Variants in ABCC1 observed in about 807,000 individuals in gnomAD.
ABCC1 encodes ATP binding cassette subfamily C member 1 (ABCC1 blood group).
A neutral mutation model predicts 172.9 loss-of-function variants in ABCC1; 83 were observed. The ratio of observed to expected loss-of-function variants is 0.48; its 90% CI spans 0.40 to 0.58. The LOEUF (loss-of-function observed/expected upper bound fraction) is 0.58. Ranked by LOEUF, ABCC1 falls within the 20% of genes least tolerant of loss-of-function variation. ABCC1 has a pLI of 0.00. For missense variants in ABCC1, 1,817 were observed against 2,002.7 expected, an observed-to-expected ratio of 0.91 and a Z score of 1.77; for synonymous variants, 937 against 825.2, an observed-to-expected ratio of 1.14 and a Z score of -2.32.
chr16:16,087,218 C>T (rs1314193574), intron 18 of ABCC1, among the ~76,000 whole-genome samples: 7 of 152,178 alleles, frequency 4.6e-5, no homozygotes, highest in Non-Finnish European at 8.8e-5. Flanking sequence ...CATTGCCTCT[C>T]CATGGCCAAG....
intron 5 of ABCC1, among the ~76,000 whole-genome samples, chr16:16,018,623 A>T (rs919770200): frequency 1.3e-5 from 2 of 151,924 alleles, no homozygotes; most frequent in Admixed American, 6.6e-5. Context: ...TTGCCCAAAG[A>T]GGAGCTGGGT....
chr16:16,055,888 G>A (rs758131078), intron 11 of ABCC1, among the ~76,000 whole-genome samples: 15 of 150,968 alleles, frequency 9.9e-5, no homozygotes, highest in Non-Finnish European at 2.1e-4. Context: ...GCTCACACCT[G>A]TAATCCCAGC....
At chr16:16,030,547 C>G (rs192171784) in intron 5 of ABCC1, among the ~76,000 whole-genome samples, 119 of 152,014 alleles carry the variant, frequency 7.8e-4, no homozygotes, top group Middle Eastern at 3.4e-3. Context: ...AAAACAAAAA[C>G]CTTGCTTGGT....
At chr16:16,046,750 T>C (rs556160391) in intron 9 of ABCC1, among the ~76,000 whole-genome samples, 2 of 149,898 alleles carry the variant, frequency 1.3e-5, no homozygotes, top group South Asian at 4.2e-4. Flanking sequence ...TAAATTACCT[T>C]CTTGATCCCT....
At chr16:16,041,139 C>T (rs1372340033) in intron 7 of ABCC1, among the ~76,000 whole-genome samples, 2 of 150,194 alleles carry the variant, frequency 1.3e-5, no homozygotes, top group Non-Finnish European at 3.0e-5. Flanking sequence ...GCCATGTTGC[C>T]CAGGCTGTTC....
At chr16:16,104,126 AG>A (rs2051937200) in intron 20 of ABCC1, among the ~76,000 whole-genome samples, 1 of 152,168 alleles carries the variant, frequency 6.6e-6, no homozygotes, top group African/African-American at 2.4e-5. Flanking sequence ...TGAGTGTTAC[AG>A]CTCACAAAGG....
At chr16:16,115,437 C>T (rs1358422799) in intron 23 of ABCC1, among the ~76,000 whole-genome samples, 1 of 152,098 alleles carries the variant, frequency 6.6e-6, no homozygotes, top group South Asian at 2.1e-4. Flanking sequence ...TTACTGCAAC[C>T]TCCACCTCCC....
intron 20 of ABCC1, chr16:16,106,475 C>T: frequency 2.9e-6 from 1 of 342,390 alleles, no homozygotes; most frequent in Non-Finnish European, 5.3e-6. Flanking sequence ...TTTTTGCAGG[C>T]CCCCAGAGAT....
chr16:16,124,711 C>T (rs1596541016), intron 24 of ABCC1, 78 bp from the exon 25 acceptor site: 4 of 1,592,156 alleles, frequency 2.5e-6, no homozygotes, highest in East Asian at 2.2e-5. Flanking sequence ...GAATCCCCTT[C>T]CTCCCCCAAG....
intron 7 of ABCC1, among the ~76,000 whole-genome samples, chr16:16,043,020 C>G (rs977744534): frequency 4.6e-5 from 7 of 151,820 alleles, no homozygotes; most frequent in African/African-American, 1.7e-4. Flanking sequence ...CGCCACCATG[C>G]CTGGCTAATT....
chr16:16,109,225 G>A (rs189116311), intron 21 of ABCC1, among the ~76,000 whole-genome samples: 2 of 152,156 alleles, frequency 1.3e-5, no homozygotes, highest in East Asian at 3.9e-4. Context: ...CGCTCAGGCT[G>A]GAGTGCAGTG....
intron 26 of ABCC1, among the ~76,000 whole-genome samples, chr16:16,130,949 C>T (rs2045650695): frequency 6.6e-6 from 1 of 152,082 alleles, no homozygotes; most frequent in Admixed American, 6.5e-5. Flanking sequence ...GGTGAAACCA[C>T]ATCTCTACTA....
intron 13 of ABCC1, among the ~76,000 whole-genome samples, chr16:16,068,723 A>C (rs1454389155): frequency 6.6e-6 from 1 of 152,140 alleles, no homozygotes; most frequent in Non-Finnish European, 1.5e-5. Context: ...GCGGCGGCTC[A>C]TGCCTGTATT....
intron 5 of ABCC1, among the ~76,000 whole-genome samples, chr16:16,028,544 C>T (rs1036835763): frequency 2.0e-5 from 3 of 152,136 alleles, no homozygotes; most frequent in African/African-American, 7.2e-5. Context: ...TTGCAATTCC[C>T]TGATAACCCA....
chr16:16,124,816 G>A lies in ABCC1; in HGVS notation c.3618G>A (p.Val1206=), dbSNP rs2045362613. The change falls in exon 25 of 31, where the codon GTG becomes GTA. Residue 1206 remains valine, a synonymous_variant. Coordinates refer to ENST00000399410, the MANE Select transcript of ABCC1 (RefSeq NM_004996.4). The part of the protein sequence containing the change: ...NRWLAVRLEC[V]GNCIVLFAAL... ...GGCTGGCCGTGCGGCTGGAGTGTGT[G>A]GGCAACTGCATCGTTCTGTTTGCTG... 6.2e-7 allele frequency: 1 copy of A among 1,614,164 alleles called. No individual in the cohort carries two copies. The highest frequency in any genetic ancestry group is 8.5e-7 in the Non-Finnish European group (1 of 1,180,040).
rs386384360 is a variant in ABCC1 at position 16,139,611 on chromosome 16, C to CAAAAAAAA, written c.4487+1069_4487+1076dup. 2.2e-3 allele frequency among the ~76,000 whole-genome samples: 124 copies of CAAAAAAAA among 57,308 alleles called. 7 individuals carry two copies. The highest frequency in any genetic ancestry group is 7.9e-3 in the African/African-American group (98 of 12,470). 37.6% of individuals were successfully genotyped at this position (57,308 alleles called of 152,430 possible). On this transcript the variant is annotated intron_variant, in intron 30 of 30. Coordinates refer to ENST00000399410, the MANE Select transcript of ABCC1 (RefSeq NM_004996.4). ...TGGGCAACAGAGTGAGACTCCATCT[C>CAAAAAAAA]AAAAAAAAAAAAAAAAAAAAAAAGA...
At chr16:15,999,762 G>C in intron 1 of ABCC1, among the ~76,000 whole-genome samples, 1 of 44,506 alleles carries the variant, frequency 2.2e-5, no homozygotes, top group Non-Finnish European at 4.5e-5. Context: ...CTCTGTGCCC[G>C]GCCTCTTTCT....
chr16:15,980,884 T>C (rs1389508694), intron 1 of ABCC1, among the ~76,000 whole-genome samples: 1 of 152,188 alleles, frequency 6.6e-6, no homozygotes, highest in African/African-American at 2.4e-5. Flanking sequence ...TATTAGCCTG[T>C]AAAACTGAAA....
intron 18 of ABCC1, among the ~76,000 whole-genome samples, chr16:16,087,656 A>G (rs536947817): frequency 6.6e-6 from 1 of 151,676 alleles, no homozygotes; most frequent in South Asian, 2.1e-4. Flanking sequence ...TCGAGGTTTC[A>G]CCATGTTGGT....
Sources: allele counts gnomAD v4.1 joint callset (sites outside exome capture counted in the v4.1 genomes callset), GRCh38; gene constraint gnomAD v4.1.1; transcripts MANE v1.5; gene names NCBI Gene and HGNC (gene_info 2026-07-23, HGNC 2026-07-21).